Variants in EXOC4 observed in about 807,000 individuals in gnomAD.
EXOC4 encodes SEC8-like 1.
A neutral mutation model predicts 107.2 loss-of-function variants in EXOC4; 71 were observed. The ratio of observed to expected loss-of-function variants is 0.66; its 90% CI spans 0.55 to 0.81. The LOEUF (loss-of-function observed/expected upper bound fraction) is 0.81, where lower values mean the gene tolerates loss of function less well. Ranked by LOEUF, EXOC4 falls within the 30% of genes least tolerant of loss-of-function variation. The pLI is 0.00. For synonymous variants in EXOC4, 456 were observed against 441.2 expected (o/e 1.03, Z -0.42); for missense variants, 1,108 against 1,189.6 (o/e 0.93, Z 1.01).
intron 7 of EXOC4, among the ~76,000 whole-genome samples, chr7:133,440,192 T>C (rs1008871602): frequency 6.6e-6 from 1 of 152,320 alleles, no homozygotes; most frequent in East Asian, 1.9e-4. Context: ...TCTTGAACAC[T>C]ACAATGGCTT....
intron 11 of EXOC4, among the ~76,000 whole-genome samples, chr7:133,836,430 A>G (rs1350991491): frequency 6.6e-6 from 1 of 152,140 alleles, no homozygotes; most frequent in Admixed American, 6.6e-5. Context: ...TTTTTGTTCT[A>G]CCTGTTAACC....
rs1006703031 is a variant in EXOC4, at chr7:133,817,187, T to C, written c.1515-138T>C. 1.1e-4 allele frequency: 65 copies of C among 577,100 alleles called. 1 individual carries two copies. Among genetic ancestry groups the C allele is most frequent in the Non-Finnish European group, 1.8e-4 (58 of 324,072 alleles). The allele number at this position is 577,100 out of a possible 1,614,324, so 35.7% of individuals were successfully genotyped here. A position where few individuals can be genotyped will look rare whatever the true frequency, so the allele number is the denominator to read the frequency against. The stretch of plus-strand genomic sequence containing the variant: ...ATTTAGATTTTTACAAGATTAAAAA[T>C]TATATAGAGATGAGTATTATTGATG... On this transcript the variant is annotated intron_variant, in intron 10 of 17. Transcript: ENST00000253861.
chr7:133,916,711 A>G (rs552885720), intron 12 of EXOC4, among the ~76,000 whole-genome samples: 5 of 152,344 alleles, frequency 3.3e-5, no homozygotes, highest in African/African-American at 1.2e-4. Context: ...ATTCCTGCCT[A>G]TGATGGGGCA....
At chr7:133,631,589 G>A (rs1470077811) in intron 10 of EXOC4, among the ~76,000 whole-genome samples, 1 of 152,012 alleles carries the variant, frequency 6.6e-6, no homozygotes, top group African/African-American at 2.4e-5. Context: ...GTCTGTTGTA[G>A]CAGAGATTTG....
chr7:133,463,809 GAGA>G (rs1798652323), intron 7 of EXOC4, among the ~76,000 whole-genome samples: 1 of 152,086 alleles, frequency 6.6e-6, no homozygotes, highest in African/African-American at 2.4e-5. Context: ...AAGGAAGAAG[GAGA>G]AGAATGATAA....
At position 133,456,704 on chromosome 7, in the gene EXOC4, G is replaced by T. The variant is rs141259279; in HGVS notation, c.1183-18624G>T. 8.5e-5 allele frequency among the ~76,000 whole-genome samples: 13 copies of T among 152,272 alleles called. 1 individual carries two copies. In the East Asian group the frequency reaches 2.5e-3, roughly 29 times the overall value. On this transcript the variant is annotated intron_variant, in intron 7 of 17. Transcript: ENST00000253861. ...GCAGCTCCTGCCAGTATGGAATCAG[G>T]TATCACAGAGCCCAGGATGAAGGAC...
chr7:133,291,102 A>G (rs1378137836), intron 3 of EXOC4: 1 of 152,036 alleles, frequency 6.6e-6, no homozygotes, highest in Non-Finnish European at 1.5e-5. Flanking sequence ...TATGATAATC[A>G]TCAATAAAAC....
intron 9 of EXOC4, among the ~76,000 whole-genome samples, chr7:133,534,349 G>C (rs1800235004): frequency 6.6e-6 from 1 of 152,054 alleles, no homozygotes; most frequent in Non-Finnish European, 1.5e-5. Context: ...TTTCCATTTT[G>C]TCCTAGGTTA....
chr7:133,617,945 G>A (rs1802234671), intron 9 of EXOC4, among the ~76,000 whole-genome samples: 2 of 152,028 alleles, frequency 1.3e-5, no homozygotes, highest in South Asian at 4.2e-4. Context: ...TTAAAGAATT[G>A]CTGTAGATAA....
intron 15 of EXOC4, among the ~76,000 whole-genome samples, chr7:134,001,905 G>C (rs1446413922): frequency 6.6e-6 from 1 of 152,136 alleles, no homozygotes; most frequent in Non-Finnish European, 1.5e-5. Flanking sequence ...TATTTTACAT[G>C]GTCTTCTCAT....
intron 10 of EXOC4, among the ~76,000 whole-genome samples, chr7:133,729,736 C>T (rs1469475248): frequency 6.6e-6 from 1 of 152,030 alleles, no homozygotes; most frequent in Non-Finnish European, 1.5e-5. Flanking sequence ...ATTTTTCAAA[C>T]TTCCTTATTT....
At chr7:133,487,307 C>T (rs527604254) in intron 9 of EXOC4, among the ~76,000 whole-genome samples, 2 of 152,298 alleles carry the variant, frequency 1.3e-5, no homozygotes, top group East Asian at 1.9e-4. Context: ...TTCATTCATA[C>T]AGATGTGAGA....
chr7:133,284,139 T>G (rs1018840265), intron 2 of EXOC4, among the ~76,000 whole-genome samples: 1 of 152,192 alleles, frequency 6.6e-6, no homozygotes, highest in African/African-American at 2.4e-5. Context: ...TCGCTTTTCC[T>G]TCCATGTAGT....
At chr7:133,554,678 C>T (rs1053342351) in intron 9 of EXOC4, among the ~76,000 whole-genome samples, 18 of 152,154 alleles carry the variant, frequency 1.2e-4, no homozygotes, top group Admixed American at 1.0e-3. Context: ...GCCTCCTGCA[C>T]GTCACTTTTC....
chr7:133,778,226 G>GA (rs1233129252), intron 10 of EXOC4, among the ~76,000 whole-genome samples: 2 of 152,098 alleles, frequency 1.3e-5, no homozygotes, highest in Non-Finnish European at 2.9e-5. Flanking sequence ...AGTGAGAAAA[G>GA]AAAAATGTAA....
At chr7:133,364,216 C>T (rs1002936453) in intron 6 of EXOC4, among the ~76,000 whole-genome samples, 1 of 151,948 alleles carries the variant, frequency 6.6e-6, no homozygotes, top group African/African-American at 2.4e-5. Flanking sequence ...GTAGCCTTGA[C>T]CCCCCCTGGG....
chr7:133,269,967 C>G (rs1793827830), intron 1 of EXOC4, among the ~76,000 whole-genome samples: 1 of 152,098 alleles, frequency 6.6e-6, no homozygotes. Context: ...TGGCTGTGTC[C>G]CCATCCACAT....
chr7:133,898,349 T>G (rs1799368995), intron 12 of EXOC4, among the ~76,000 whole-genome samples: 2 of 152,166 alleles, frequency 1.3e-5, no homozygotes. Flanking sequence ...TTGGAATTTC[T>G]GGGCCATTAG....
intron 4 of EXOC4, among the ~76,000 whole-genome samples, chr7:133,308,726 CTT>C (rs1256336913): frequency 6.6e-6 from 1 of 152,096 alleles, no homozygotes; most frequent in Non-Finnish European, 1.5e-5. Flanking sequence ...AAAAGTTACT[CTT>C]AGATATAATC....
Sources: allele counts gnomAD v4.1 joint callset (sites outside exome capture counted in the v4.1 genomes callset), GRCh38; gene constraint gnomAD v4.1.1; transcripts MANE v1.5; gene names NCBI Gene and HGNC (gene_info 2026-07-23, HGNC 2026-07-21).